The following APCDD1L variants were observed in gnomAD, a reference collection of about 807,000 sequenced individuals.
The protein encoded by APCDD1L is protein APCDD1-like.
Under a neutral mutation model 24.2 loss-of-function variants are expected in APCDD1L, and 21 were observed. The observed-to-expected ratio is 0.87, with a 90% CI of 0.61 to 1.25. APCDD1L has a LOEUF of 1.25. APCDD1L is among the 50% of genes most tolerant of loss of function. The pLI is 0.00. For synonymous variants in APCDD1L, 321 were observed against 323.6 expected, an observed-to-expected ratio of 0.99 and a Z score of 0.09; for missense variants, 704 against 711.7, an observed-to-expected ratio of 0.99 and a Z score of 0.12.
At chr20:58,471,183 G>A (rs1479941089) in intron 1 of APCDD1L, among the ~76,000 whole-genome samples, 1 of 152,190 alleles carries the variant, frequency 6.6e-6, no homozygotes, top group Non-Finnish European at 1.5e-5. Flanking sequence ...CCAAGGTGCT[G>A]GGGACAGTGG....
intron 1 of APCDD1L, among the ~76,000 whole-genome samples, chr20:58,513,399 C>T (rs1484230336): frequency 3.3e-5 from 5 of 152,112 alleles, no homozygotes; most frequent in Admixed American, 1.3e-4. Context: ...GCAGGGGAAG[C>T]GGCCCCTGGA....
Position 58,461,287 on chromosome 20 carries a change from T to G in APCDD1L, c.1009A>C (p.Thr337Pro), listed in dbSNP as rs771514205. ...TFTVYAAGRY[T>P]RGTPSTRVRG... ...ACCCTGGTGGATGGCGTGCCCCTGG[T>G]GTAGCGGCCGGCGGCATACACGGTG... The change falls in exon 4 of 4, where the codon ACC (threonine) becomes CCC (proline). Residue 337 changes from threonine to proline, a missense_variant. Coordinates refer to ENST00000371149, the MANE Select transcript of APCDD1L (RefSeq NM_153360.3). This position sits in a 1 kb window ranked among gnomAD's most constrained non-coding sequence, Gnocchi z 6.0. The G allele has an allele frequency of 6.2e-7, 1 of 1,612,118 alleles. No homozygotes were observed. Among genetic ancestry groups the G allele is most frequent in the Non-Finnish European group, 8.5e-7 (1 of 1,178,954 alleles).
intron 1 of APCDD1L, among the ~76,000 whole-genome samples, chr20:58,486,854 GTT>G (rs747539318): frequency 0.015 from 1,165 of 80,260 alleles, 8 homozygotes; most frequent in African/African-American, 0.058. Context: ...TGGAGGGAAG[GTT>G]TTTTTTTTTT....
At chr20:58,463,138 T>A (rs1989643137) in intron 3 of APCDD1L, among the ~76,000 whole-genome samples, 5 of 67,902 alleles carry the variant, frequency 7.4e-5, no homozygotes, top group South Asian at 7.2e-4. Flanking sequence ...CAAGACTCCA[T>A]CTCACAAAAA....
In APCDD1L at chr20:58,461,032, C is replaced by T. The variant is rs144348505; in HGVS notation, c.1264G>A (p.Gly422Arg). The T allele has an allele frequency of 2.4e-4, 380 of 1,614,082 alleles. 2 individuals carry two copies. In the African/African-American group the frequency reaches 4.6e-3, roughly 20 times the overall value. Residue 422 changes from glycine to arginine, a missense_variant, in exon 4 of 4, where the codon GGG becomes AGG. Coordinates refer to ENST00000371149, the MANE Select transcript of APCDD1L (RefSeq NM_153360.3). The surrounding 1 kb of genome is among the most constrained non-coding windows in gnomAD (Gnocchi z 6.0). The stretch of plus-strand genomic sequence containing the variant: ...TGTCCGATGAAGAGCAGGCTTTGCC[C>T]GAGGGGGTCTTGTTCCATCTTGAAA... ...ELFKMEQDPLGQSLLFIGQRP... is the reference protein window; with the variant it reads ...ELFKMEQDPLRQSLLFIGQRP...
intron 1 of APCDD1L, among the ~76,000 whole-genome samples, chr20:58,511,232 C>G (rs569815853): frequency 7.2e-5 from 11 of 152,194 alleles, no homozygotes; most frequent in African/African-American, 2.4e-4. Context: ...AACCACCTTC[C>G]GTGCCAACTT....
intron 1 of APCDD1L, among the ~76,000 whole-genome samples, chr20:58,480,116 A>C (rs2123154293): frequency 6.6e-6 from 1 of 152,258 alleles, no homozygotes; most frequent in South Asian, 2.1e-4. Context: ...CTCCTCATCC[A>C]CCTAATCCGA....
rs548721203 is a variant in APCDD1L, at chr20:58,474,118, G to A, written c.50-3371C>T. Among the ~76,000 whole-genome samples, 10 of 152,328 alleles carry A rather than the reference G, an allele frequency of 6.6e-5. No homozygotes were observed. In the South Asian group the frequency reaches 8.3e-4, roughly 13 times the overall value. ...TTGAGATCATCAAATGGTGCCCAGC[G>A]TCTCCTGAGCACACATTCTGGGAGG... On this transcript the variant is annotated intron_variant, in intron 1 of 3. Coordinates refer to ENST00000371149, the MANE Select transcript of APCDD1L (RefSeq NM_153360.3).
At chr20:58,500,150 T>C (rs1990404285) in intron 1 of APCDD1L, among the ~76,000 whole-genome samples, 1 of 152,214 alleles carries the variant, frequency 6.6e-6, no homozygotes, top group Non-Finnish European at 1.5e-5. Context: ...AAAATTATTA[T>C]CAGATTTTTC....
At position 58,494,495 on chromosome 20, in the gene APCDD1L, T is replaced by C. The variant is rs1990283375; in HGVS notation, c.49+20164A>G. Among the ~76,000 whole-genome samples, 1 of 118,524 alleles carries C rather than the reference T, an allele frequency of 8.4e-6. No homozygotes were observed. Among genetic ancestry groups the C allele is most frequent in the Non-Finnish European group, 1.7e-5 (1 of 57,690 alleles). The allele number at this position is 118,524 out of a possible 152,430, so 77.8% of individuals were successfully genotyped here. ...TTACAGGTGTGCACCACTGCCACAC[T>C]CAGCTAATTTTTAATTTTTTTTTTG... On this transcript the variant is annotated intron_variant, in intron 1 of 3. Coordinates refer to ENST00000371149, the MANE Select transcript of APCDD1L (RefSeq NM_153360.3). The surrounding 1 kb of genome is among the most constrained non-coding windows in gnomAD (Gnocchi z 4.8).
chr20:58,461,618 A>G lies in APCDD1L; in HGVS notation c.742-64T>C. The G allele has an allele frequency of 2.2e-6, 3 of 1,379,866 alleles. No individual in the cohort carries two copies. Among genetic ancestry groups the G allele is most frequent in the Non-Finnish European group, 1.9e-6 (2 of 1,060,460 alleles). 85.5% of individuals were successfully genotyped at this position (1,379,866 alleles called of 1,614,324 possible). ...ATAGAGAAGTTGGGGTGCAGCCTGG[A>G]AAGGAACCCCAGCTCTGTAGGGGTG... On this transcript the variant is annotated intron_variant, in intron 3 of 3. Transcript: ENST00000371149. The surrounding 1 kb of genome is among the most constrained non-coding windows in gnomAD (Gnocchi z 6.0).
chr20:58,470,592 A>G lies in APCDD1L; in HGVS notation c.188+17T>C. On this transcript the variant is annotated intron_variant, in intron 2 of 3. Transcript: ENST00000371149. The stretch of plus-strand genomic sequence containing the variant: ...CCCAGTCCAGGGGTCCATGGTCAGG[A>G]TGACCTGAAGTCTTACCCTGTGGAG... 1 of 1,580,454 alleles carries G rather than the reference A, an allele frequency of 6.3e-7. No individual in the cohort carries two copies.
Position 58,508,101 on chromosome 20 carries a change from C to T in APCDD1L, c.49+6558G>A, listed in dbSNP as rs1487773176. 6.6e-6 allele frequency among the ~76,000 whole-genome samples: 1 copy of T among 152,220 alleles called. No individual in the cohort carries two copies. Among genetic ancestry groups the T allele is most frequent in the Non-Finnish European group, 1.5e-5 (1 of 68,046 alleles). ...ATTTAGCAAACACACTTTGCCACGG[C>T]AATTCCACTGCTAGGTATTTCCACT... On this transcript the variant is annotated intron_variant, in intron 1 of 3. Transcript: ENST00000371149. This position sits in a 1 kb window ranked among gnomAD's most constrained non-coding sequence, Gnocchi z 4.0.
At chr20:58,493,069 C>T (rs1476681171) in intron 1 of APCDD1L, among the ~76,000 whole-genome samples, 1 of 150,682 alleles carries the variant, frequency 6.6e-6, no homozygotes, top group African/African-American at 2.4e-5. Context: ...ACACACAATG[C>T]AAGCATGCAT....
intron 1 of APCDD1L, among the ~76,000 whole-genome samples, chr20:58,512,549 G>T (rs1180519611): frequency 2.6e-5 from 4 of 152,094 alleles, no homozygotes; most frequent in African/African-American, 9.7e-5. Flanking sequence ...TAGCGGCGAG[G>T]TTAAGAACCC....
chr20:58,513,642 G>A (rs1053160121), intron 1 of APCDD1L, among the ~76,000 whole-genome samples: 5 of 152,214 alleles, frequency 3.3e-5, no homozygotes, highest in African/African-American at 1.2e-4. Flanking sequence ...TCTTCACCCC[G>A]GGGTTCTCGG....
chr20:58,507,244 C>G (rs1304692804), intron 1 of APCDD1L, among the ~76,000 whole-genome samples: 1 of 152,220 alleles, frequency 6.6e-6, no homozygotes, highest in Non-Finnish European at 1.5e-5. Flanking sequence ...CTCCTCCTTA[C>G]TTTCCACCAT....
intron 1 of APCDD1L, among the ~76,000 whole-genome samples, chr20:58,502,687 TAGAG>T (rs950730992): frequency 1.3e-4 from 18 of 143,746 alleles, no homozygotes; most frequent in African/African-American, 3.1e-4. Context: ...GAATTTGAAG[TAGAG>T]AGAGAAAGAA....
chr20:58,493,011 C>T (rs535045344), intron 1 of APCDD1L, among the ~76,000 whole-genome samples: 32 of 150,708 alleles, frequency 2.1e-4, no homozygotes, highest in African/African-American at 7.1e-4. Context: ...CATGCATACA[C>T]GTGCACTCAC....
Sources: allele counts gnomAD v4.1 joint callset (sites outside exome capture counted in the v4.1 genomes callset), GRCh38; gene constraint gnomAD v4.1.1; non-coding constraint Gnocchi (gnomAD v3.1); transcripts MANE v1.5; gene names NCBI Gene and HGNC (gene_info 2026-07-23, HGNC 2026-07-21).